CWC27: variants seen among roughly 807,000 people sequenced by gnomAD.
CWC27 encodes the protein CWC27 spliceosome associated cyclophilin.
In CWC27, 47 loss-of-function variants were observed where a neutral mutation model predicts 63.6. That is an observed-to-expected ratio of 0.74 (90% CI 0.58 to 0.94). The LOEUF is 0.94. Ranked by LOEUF, CWC27 falls within the 40% of genes least tolerant of loss-of-function variation. The pLI, the probability that CWC27 is intolerant of heterozygous loss-of-function variation, is 0.00. For missense variants in CWC27, 495 were observed against 554.3 expected, an observed-to-expected ratio of 0.89 and a Z score of 1.07; for synonymous variants, 175 against 179.8, an observed-to-expected ratio of 0.97 and a Z score of 0.22.
At chr5:64,979,421 T>G (rs1337798966) in intron 13 of CWC27, among the ~76,000 whole-genome samples, 1 of 152,206 alleles carries the variant, frequency 6.6e-6, no homozygotes, top group Non-Finnish European at 1.5e-5. Flanking sequence ...AGATAGCATA[T>G]ATAGGGCCCT....
chr5:64,785,721 A>C (rs1743860223), intron 5 of CWC27, 142 bp downstream of exon 5: 2 of 505,694 alleles, frequency 4.0e-6, no homozygotes, highest in Non-Finnish European at 7.0e-6. Context: ...TTATTTGGGC[A>C]CCGTTTCTAG....
chr5:64,771,621 G>A (rs1305604449), intron 1 of CWC27, among the ~76,000 whole-genome samples: 1 of 152,204 alleles, frequency 6.6e-6, no homozygotes, highest in Non-Finnish European at 1.5e-5. Context: ...ATAGGGGTCT[G>A]TCTTCCTGTT....
Position 65,009,786 on chromosome 5 carries a change from G to A in CWC27, c.1257-8373G>A, listed in dbSNP as rs141416152. On this transcript the variant is annotated intron_variant, in intron 13 of 13. Transcript: ENST00000381070. Reference sequence around the variant, plus strand: ...CTTGATCTGGGACTTCTGTCTGTGAGAAAATAAATTGCTATTGTTTAAGCC... The same window carrying A: ...CTTGATCTGGGACTTCTGTCTGTGAAAAAATAAATTGCTATTGTTTAAGCC... Among the ~76,000 whole-genome samples, 327 of 152,342 alleles carry A rather than the reference G, an allele frequency of 2.1e-3. 1 individual carries two copies. The highest frequency in any genetic ancestry group is 3.1e-3 in the Non-Finnish European group (213 of 68,030).
intron 10 of CWC27, among the ~76,000 whole-genome samples, chr5:64,837,755 T>C (rs1745694730): frequency 6.6e-6 from 1 of 152,066 alleles, no homozygotes; most frequent in Non-Finnish European, 1.5e-5. Flanking sequence ...AGTTAAGCTA[T>C]GTAATTTTGC....
At chr5:64,769,253 G>A (rs887080705) in intron 1 of CWC27, 65 bp downstream of exon 1, 1 of 1,460,290 alleles carries the variant, frequency 6.8e-7, no homozygotes. Context: ...CCGGATTTGG[G>A]GTGGGGAGTG....
Position 64,813,540 on chromosome 5 carries a change from C to G in CWC27, c.938+9154C>G, listed in dbSNP as rs116340556. Among the ~76,000 whole-genome samples the G allele has an allele frequency of 7.6e-3, 1,157 of 152,256 alleles. 13 individuals carry two copies. Among genetic ancestry groups the G allele is most frequent in the Non-Finnish European group, 0.01 (689 of 68,026 alleles). On this transcript the variant is annotated intron_variant, in intron 10 of 13. Coordinates refer to ENST00000381070, the MANE Select transcript of CWC27 (RefSeq NM_005869.4). ...TGTCAAAATAGAAAAGAGGTATTTG[C>G]ATCTCTTTAGAATGTATTGATTTAT... is the stretch of plus-strand genomic sequence containing the variant.
At chr5:64,832,706 A>G in intron 10 of CWC27, among the ~76,000 whole-genome samples, 1 of 151,790 alleles carries the variant, frequency 6.6e-6, no homozygotes, top group Non-Finnish European at 1.5e-5. Flanking sequence ...GGCATTTTTT[A>G]AAAACTACTG....
chr5:64,915,790 T>C (rs1747877156), intron 11 of CWC27, among the ~76,000 whole-genome samples: 1 of 152,172 alleles, frequency 6.6e-6, no homozygotes, highest in African/African-American at 2.4e-5. Flanking sequence ...TATTATTTAC[T>C]TTAATTCTTA....
intron 10 of CWC27, among the ~76,000 whole-genome samples, chr5:64,816,986 C>G (rs529647900): frequency 2.0e-5 from 3 of 152,210 alleles, no homozygotes; most frequent in South Asian, 4.1e-4. Flanking sequence ...CTTTTCCCAC[C>G]ACCAAATCTA....
intron 13 of CWC27, among the ~76,000 whole-genome samples, chr5:64,988,156 AC>A (rs1052956037): frequency 2.0e-5 from 3 of 152,050 alleles, no homozygotes; most frequent in East Asian, 1.9e-4. Flanking sequence ...CAGTTCTAAA[AC>A]TTTTATTTGT....
chr5:64,801,194 A>G (rs926422056), intron 8 of CWC27, 108 bp from the exon 9 acceptor site: 5 of 1,015,652 alleles, frequency 4.9e-6, no homozygotes, highest in Non-Finnish European at 6.9e-6. Context: ...GTTGAAATAC[A>G]TTTTTGGAAT....
At chr5:64,922,269 A>G (rs1304262104) in intron 11 of CWC27, among the ~76,000 whole-genome samples, 1 of 152,230 alleles carries the variant, frequency 6.6e-6, no homozygotes, top group South Asian at 2.1e-4. Flanking sequence ...AGGAATGTCA[A>G]TGAATTATAG....
chr5:65,000,934 A>G (rs763624882), intron 13 of CWC27, among the ~76,000 whole-genome samples: 9 of 152,058 alleles, frequency 5.9e-5, no homozygotes, highest in Non-Finnish European at 1.0e-4. Flanking sequence ...CATATTAACA[A>G]CATTAATTCT....
intron 10 of CWC27, among the ~76,000 whole-genome samples, chr5:64,830,870 A>T (rs1580652308): frequency 6.6e-6 from 1 of 152,244 alleles, no homozygotes; most frequent in African/African-American, 2.4e-5. Flanking sequence ...TATATGTGCC[A>T]CATTTTCTTA....
chr5:64,916,920 A>AGTAGTAGTAGTAGCAGTG (rs1747900759), intron 11 of CWC27, among the ~76,000 whole-genome samples: 1 of 151,560 alleles, frequency 6.6e-6, no homozygotes, highest in Non-Finnish European at 1.5e-5. Context: ...TAGTAGTAGT[A>AGTAGTAGTAGTAGCAGTG]GTAGTAGTAG....
chr5:64,821,942 G>A (rs934076867), intron 10 of CWC27, among the ~76,000 whole-genome samples: 1 of 152,184 alleles, frequency 6.6e-6, no homozygotes, highest in African/African-American at 2.4e-5. Flanking sequence ...CCTGATAACT[G>A]CAGGAACTTT....
At chr5:64,906,801 T>C (rs1747652777) in intron 11 of CWC27, among the ~76,000 whole-genome samples, 1 of 152,242 alleles carries the variant, frequency 6.6e-6, no homozygotes, top group Non-Finnish European at 1.5e-5. Context: ...TTTATGGTTT[T>C]AGGTCTAACA....
chr5:64,807,238 G>A (rs1192353595), intron 10 of CWC27, among the ~76,000 whole-genome samples: 1 of 152,166 alleles, frequency 6.6e-6, no homozygotes, highest in Non-Finnish European at 1.5e-5. Context: ...TACTGAAAAC[G>A]TGTGGTATTG....
intron 11 of CWC27, among the ~76,000 whole-genome samples, chr5:64,932,252 T>G (rs1219978234): frequency 6.6e-6 from 1 of 152,158 alleles, no homozygotes; most frequent in African/African-American, 2.4e-5. Flanking sequence ...ATTCAACAGA[T>G]GTAACAAACC....
Sources: gnomAD v4.1 joint callset for allele counts (sites outside exome capture counted in the v4.1 genomes callset) on GRCh38, gnomAD v4.1.1 for gene constraint, MANE v1.5 for transcripts, NCBI Gene and HGNC (gene_info 2026-07-23, HGNC 2026-07-21) for gene names.